The following SHLD1 variants were observed in gnomAD, a reference collection of about 807,000 sequenced individuals.
SHLD1 encodes shieldin complex subunit 1, also known as RINN1-REV7-interacting novel NHEJ regulator 3.
A neutral mutation model predicts 5.5 loss-of-function variants in SHLD1; 3 were observed. The observed-to-expected ratio is 0.54, with a 90% CI of 0.25 to 1.40. The LOEUF is 1.40. SHLD1 is among the 40% of genes most tolerant of loss of function. The probability of loss-of-function intolerance (pLI) is 0.15; values close to 1 mark genes in which losing one functional copy is unlikely to be tolerated. For synonymous variants in SHLD1, 92 were observed against 94.3 expected (o/e 0.98, Z 0.14); for missense variants, 210 against 244.4 (o/e 0.86, Z 0.94).
rs2088186184 is a variant in SHLD1, at chr20:5,863,186, C to A, written c.341C>A (p.Ala114Glu). 1 of 1,614,164 alleles carries A rather than the reference C, an allele frequency of 6.2e-7. No individual in the cohort carries two copies. The change falls in exon 3 of 3, where the codon GCA becomes GAA. Residue 114 changes from alanine (A) to glutamate (E), a missense_variant. Transcript: ENST00000303142. ...TTTGGTCATCCACAGCCAGGCTCTG[C>A]AAACTCACTCTCTGCATCTGTCTGC... ...EMFGHPQPGS[A>E]NSLSASVCKC...
At chr20:5,787,166 G>A (rs6053692) in intron 2 of SHLD1, among the ~76,000 whole-genome samples, 8,043 of 152,220 alleles carry the variant, frequency 0.053, 711 homozygotes, top group African/African-American at 0.18. Context: ...CCTCCAGGGG[G>A]CCAAGGGCCT....
chr20:5,804,351 CTA>C (rs34767475), intron 2 of SHLD1, among the ~76,000 whole-genome samples: 33,538 of 132,716 alleles, frequency 0.25, 4,361 homozygotes, highest in African/African-American at 0.41. Context: ...CAAAAAAAAA[CTA>C]TATATATATA....
intron 2 of SHLD1, among the ~76,000 whole-genome samples, chr20:5,821,549 G>A (rs2087606369): frequency 1.3e-5 from 2 of 152,168 alleles, no homozygotes; most frequent in South Asian, 4.2e-4. Flanking sequence ...CTTGATTATA[G>A]TATACTGGAT....
intron 2 of SHLD1, among the ~76,000 whole-genome samples, chr20:5,787,937 C>G (rs1408118178): frequency 6.6e-6 from 1 of 152,200 alleles, no homozygotes; most frequent in South Asian, 2.1e-4. Context: ...TCAAAAGCCC[C>G]TGGCTTTTTT....
At chr20:5,753,346 G>A (rs887971203) in intron 1 of SHLD1, among the ~76,000 whole-genome samples, 1 of 151,978 alleles carries the variant, frequency 6.6e-6, no homozygotes, top group Admixed American at 6.6e-5. Context: ...CTTGCCGTGT[G>A]GCCCAGGCTG....
At chr20:5,783,748 AG>A (rs1385139424) in intron 2 of SHLD1, among the ~76,000 whole-genome samples, 1 of 152,134 alleles carries the variant, frequency 6.6e-6, no homozygotes, top group Non-Finnish European at 1.5e-5. Context: ...AGGAACTACA[AG>A]TTTGAGATTG....
At chr20:5,758,082 C>G (rs1009125435) in intron 1 of SHLD1, among the ~76,000 whole-genome samples, 12 of 151,748 alleles carry the variant, frequency 7.9e-5, no homozygotes, top group Admixed American at 4.0e-4. Flanking sequence ...AATTGAGAAG[C>G]GTTTCCTCCT....
chr20:5,766,534 A>G (rs1286416182), intron 1 of SHLD1, among the ~76,000 whole-genome samples: 1 of 152,112 alleles, frequency 6.6e-6, no homozygotes, highest in Non-Finnish European at 1.5e-5. Context: ...GGCTGCGTTC[A>G]TCCTAGCTTG....
At chr20:5,790,246 C>A (rs576265667) in intron 2 of SHLD1, among the ~76,000 whole-genome samples, 3 of 152,250 alleles carry the variant, frequency 2.0e-5, no homozygotes, top group South Asian at 4.2e-4. Context: ...CTTCCTTCCT[C>A]CCCTAGAGAT....
intron 2 of SHLD1, among the ~76,000 whole-genome samples, chr20:5,858,850 T>A (rs571826394): frequency 6.6e-6 from 1 of 152,300 alleles, no homozygotes; most frequent in South Asian, 2.1e-4. Context: ...GAATCTGAAG[T>A]ATCTATATGT....
chr20:5,816,089 G>GAAAAAAA (rs141881349), intron 2 of SHLD1, among the ~76,000 whole-genome samples: 37 of 86,244 alleles, frequency 4.3e-4, no homozygotes, highest in South Asian at 7.8e-4. Context: ...TCAAAAAAAC[G>GAAAAAAA]AAAAAAAAAA....
At chr20:5,823,436 T>C (rs141279573) in intron 2 of SHLD1, among the ~76,000 whole-genome samples, 3 of 121,718 alleles carry the variant, frequency 2.5e-5, no homozygotes, top group African/African-American at 8.1e-5. Flanking sequence ...CATAGACTTG[T>C]TTTTTGTTGT....
At chr20:5,829,638 G>A (rs766813302) in intron 2 of SHLD1, among the ~76,000 whole-genome samples, 4 of 152,086 alleles carry the variant, frequency 2.6e-5, no homozygotes, top group Admixed American at 2.0e-4. Context: ...GCCTCTTTTC[G>A]GCCTTAATAA....
intron 1 of SHLD1, among the ~76,000 whole-genome samples, chr20:5,771,520 G>A (rs1372361914): frequency 6.6e-6 from 1 of 152,120 alleles, no homozygotes; most frequent in East Asian, 1.9e-4. Flanking sequence ...ACAACACACT[G>A]CTATCAGAAC....
chr20:5,768,124 G>A (rs1984947790), intron 1 of SHLD1, among the ~76,000 whole-genome samples: 1 of 151,996 alleles, frequency 6.6e-6, no homozygotes, highest in Admixed American at 6.6e-5. Context: ...ACAGGTGTGT[G>A]CCACCATGCC....
intron 2 of SHLD1, among the ~76,000 whole-genome samples, chr20:5,826,314 AT>A (rs888978581): frequency 2.6e-5 from 4 of 152,026 alleles, no homozygotes; most frequent in African/African-American, 9.7e-5. Flanking sequence ...TATTTATATG[AT>A]TTTTTTATAA....
At chr20:5,796,437 G>C (rs2087213506) in intron 2 of SHLD1, among the ~76,000 whole-genome samples, 1 of 152,092 alleles carries the variant, frequency 6.6e-6, no homozygotes, top group Non-Finnish European at 1.5e-5. Context: ...CTATGTGAAA[G>C]GCACCCTATG....
chr20:5,861,484 A>T (rs1632492), intron 2 of SHLD1, among the ~76,000 whole-genome samples: 110,668 of 152,216 alleles, frequency 0.73, 40,403 homozygotes, highest in African/African-American at 0.79. Context: ...TCTATAAATA[A>T]GTGTTGAATG....
At chr20:5,772,056 A>G (rs1985196178) in intron 1 of SHLD1, 3 of 411,430 alleles carry the variant, frequency 7.3e-6, no homozygotes, top group African/African-American at 4.1e-5. Flanking sequence ...TTGTATTTGT[A>G]GTAGAGACAG....
Sources: allele counts gnomAD v4.1 joint callset (sites outside exome capture counted in the v4.1 genomes callset), GRCh38; gene constraint gnomAD v4.1.1; transcripts MANE v1.5; gene names NCBI Gene and HGNC (gene_info 2026-07-23, HGNC 2026-07-21).